The following GLIS3 variants were observed in gnomAD, a reference collection of about 807,000 sequenced individuals.
GLIS3 encodes the protein zinc finger protein GLIS3.
In GLIS3, 53 loss-of-function variants were observed where a neutral mutation model predicts 78.6. The observed-to-expected ratio is 0.67, with a 90% CI of 0.54 to 0.85. GLIS3 has a LOEUF of 0.85. Ranked by LOEUF, GLIS3 falls within the 40% of genes least tolerant of loss-of-function variation. GLIS3 has a pLI of 0.00. For missense variants in GLIS3, 1,703 were observed against 1,231.1 expected (o/e 1.38, Z -5.74); for synonymous variants, 684 against 509.9 (o/e 1.34, Z -4.60).
the GLIS3 span, among the ~76,000 whole-genome samples, chr9:4,468,942 ATCTACC>A: frequency 2.0e-5 from 3 of 152,210 alleles, no homozygotes; most frequent in East Asian, 5.8e-4. Context: ...ATGGAGGAAG[ATCTACC>A]AAGCAAATGG....
chr9:3,969,283 T>A (rs1222057649), intron 4 of GLIS3, among the ~76,000 whole-genome samples: 1 of 152,248 alleles, frequency 6.6e-6, no homozygotes, highest in African/African-American at 2.4e-5. Context: ...TATTCTTTCT[T>A]TGAATAAAAG....
chr9:3,890,549 G>T (rs1050629551), intron 7 of GLIS3, among the ~76,000 whole-genome samples: 1 of 152,120 alleles, frequency 6.6e-6, no homozygotes, highest in African/African-American at 2.4e-5. Flanking sequence ...AATTGCCGGG[G>T]AGTGTACTAA....
chr9:4,007,261 A>G lies in GLIS3; in HGVS notation c.1711-70072T>C, dbSNP rs545379327. 5.9e-5 allele frequency among the ~76,000 whole-genome samples: 9 copies of G among 152,232 alleles called. No homozygotes were observed. In the South Asian group the frequency reaches 1.7e-3, roughly 28 times the overall value. ...GACATCAGGATTAGGAAAAGTAGCA[A>G]AAAGCCCTGGCTGCCTTCCTTCTGA... On this transcript the variant is annotated intron_variant, in intron 4 of 10. Transcript: ENST00000381971.
At chr9:4,146,862 C>G (rs1834262729) in intron 2 of GLIS3, among the ~76,000 whole-genome samples, 1 of 152,202 alleles carries the variant, frequency 6.6e-6, no homozygotes, top group Non-Finnish European at 1.5e-5. Context: ...CAGGCCAGAA[C>G]CAATGTACTG....
At chr9:3,839,441 C>A (rs996072374) in intron 9 of GLIS3, among the ~76,000 whole-genome samples, 1 of 152,114 alleles carries the variant, frequency 6.6e-6, no homozygotes. Flanking sequence ...GTTATACCAA[C>A]CACTCAGAAT....
chr9:4,429,119 T>C, the GLIS3 span, among the ~76,000 whole-genome samples: 3 of 152,180 alleles, frequency 2.0e-5, no homozygotes, highest in African/African-American at 4.8e-5. Context: ...GGCAGTTCCA[T>C]AGCATTCAAC....
intron 1 of GLIS3, among the ~76,000 whole-genome samples, chr9:4,298,064 G>T (rs1816733603): frequency 6.6e-6 from 1 of 152,116 alleles, no homozygotes; most frequent in African/African-American, 2.4e-5. Context: ...GGGAGCGAAC[G>T]CAGCGCAACA....
chr9:3,966,028 TA>T (rs2130901869), intron 4 of GLIS3, among the ~76,000 whole-genome samples: 1 of 152,366 alleles, frequency 6.6e-6, no homozygotes, highest in East Asian at 1.9e-4. Flanking sequence ...TAATGAATGA[TA>T]ATTTTCATTT....
At chr9:4,460,507 T>A in the GLIS3 span, among the ~76,000 whole-genome samples, 3 of 152,154 alleles carry the variant, frequency 2.0e-5, no homozygotes, top group Non-Finnish European at 4.4e-5. Context: ...GTATATATAC[T>A]CCAAGTTTAG....
chr9:4,370,290 G>C, the GLIS3 span, among the ~76,000 whole-genome samples: 1 of 151,664 alleles, frequency 6.6e-6, no homozygotes, highest in African/African-American at 2.4e-5. Context: ...CCATGTGACA[G>C]TCTTCAGATG....
chr9:3,829,522 G>C, intron 9 of GLIS3, 30 bp from the exon 10 acceptor site: 1 of 1,612,048 alleles, frequency 6.2e-7, no homozygotes, highest in East Asian at 2.2e-5. Context: ...TTGAGCACAA[G>C]TTCCTTTGGG....
intron 4 of GLIS3, among the ~76,000 whole-genome samples, chr9:3,978,939 A>G (rs1407856488): frequency 2.6e-5 from 4 of 152,194 alleles, no homozygotes; most frequent in Non-Finnish European, 5.9e-5. Flanking sequence ...TATTTACATT[A>G]CATTAGGTAT....
At chr9:4,038,937 A>G (rs533914309) in intron 4 of GLIS3, among the ~76,000 whole-genome samples, 2 of 152,114 alleles carry the variant, frequency 1.3e-5, no homozygotes, top group African/African-American at 4.8e-5. Flanking sequence ...AATTTCCCCA[A>G]CTGAGGAACT....
chr9:4,204,451 A>G (rs1333895577), intron 2 of GLIS3, among the ~76,000 whole-genome samples: 1 of 152,172 alleles, frequency 6.6e-6, no homozygotes, highest in African/African-American at 2.4e-5. Flanking sequence ...CCAGTAAAAA[A>G]GCAAGGGGAG....
the GLIS3 span, among the ~76,000 whole-genome samples, chr9:4,388,041 G>A: frequency 2.6e-5 from 4 of 152,134 alleles, no homozygotes; most frequent in Non-Finnish European, 5.9e-5. Context: ...CCAATGTTTT[G>A]TTTTTGACTG....
At chr9:3,999,504 A>C (rs1329084171) in intron 4 of GLIS3, among the ~76,000 whole-genome samples, 1 of 152,168 alleles carries the variant, frequency 6.6e-6, no homozygotes, top group African/African-American at 2.4e-5. Flanking sequence ...CATGTATAAA[A>C]CAATAATGAA....
chr9:3,875,030 T>C (rs895687196), intron 8 of GLIS3, among the ~76,000 whole-genome samples: 1 of 152,216 alleles, frequency 6.6e-6, no homozygotes, highest in Non-Finnish European at 1.5e-5. Flanking sequence ...GGATTTATTC[T>C]TGGAATTGTA....
chr9:4,372,881 C>T, the GLIS3 span, among the ~76,000 whole-genome samples: 1 of 152,322 alleles, frequency 6.6e-6, no homozygotes, highest in South Asian at 2.1e-4. Flanking sequence ...AGGGACTCCA[C>T]CATTCTTCCC....
chr9:4,358,987 A>T, the GLIS3 span, among the ~76,000 whole-genome samples: 3 of 152,162 alleles, frequency 2.0e-5, no homozygotes, highest in African/African-American at 7.2e-5. Context: ...CACTAGTCCC[A>T]TCCTCAGCAA....
Sources: allele counts gnomAD v4.1 joint callset (sites outside exome capture counted in the v4.1 genomes callset), GRCh38; gene constraint gnomAD v4.1.1; transcripts MANE v1.5; gene names NCBI Gene and HGNC (gene_info 2026-07-23, HGNC 2026-07-21).